Variants in STT3B observed in about 807,000 individuals in gnomAD.
STT3B encodes STT3 oligosaccharyltransferase complex catalytic subunit B.
A neutral mutation model predicts 96.8 loss-of-function variants in STT3B; 29 were observed. The observed-to-expected ratio is 0.30, with a 90% CI of 0.22 to 0.41. STT3B has a LOEUF of 0.41. STT3B is among the 10% of genes least tolerant of loss of function. The probability of loss-of-function intolerance (pLI) is 1.00; values close to 1 mark genes in which losing one functional copy is unlikely to be tolerated. For missense variants in STT3B, 640 were observed against 1,022.3 expected (o/e 0.63, Z 5.10); for synonymous variants, 367 against 360.0 (o/e 1.02, Z -0.22).
At chr3:31,628,640 T>C (rs866949743) in intron 13 of STT3B, among the ~76,000 whole-genome samples, 3 of 152,142 alleles carry the variant, frequency 2.0e-5, no homozygotes, top group Admixed American at 1.3e-4. Flanking sequence ...CCATAAAAAT[T>C]ACCACAGGAG....
intron 1 of STT3B, among the ~76,000 whole-genome samples, chr3:31,542,676 G>A (rs573735493): frequency 6.6e-6 from 1 of 152,270 alleles, no homozygotes; most frequent in South Asian, 2.1e-4. Context: ...TTGGATGATG[G>A]TCCAACTGAG....
At chr3:31,590,144 C>G (rs541107317) in intron 3 of STT3B, among the ~76,000 whole-genome samples, 1 of 151,822 alleles carries the variant, frequency 6.6e-6, no homozygotes, top group East Asian at 1.9e-4. Flanking sequence ...CATAATATTT[C>G]TTTATAAGTC....
Position 31,533,282 on chromosome 3 carries a change from T to G in STT3B, c.284T>G (p.Phe95Cys), listed in dbSNP as rs1312802453. The G allele has an allele frequency of 6.5e-7, 1 of 1,534,122 alleles. No individual in the cohort carries two copies. Residue 95 changes from phenylalanine to cysteine, a missense_variant, in exon 1 of 16, where the codon TTC becomes TGC. Phe to Cys is a radical substitution (Grantham distance 205). Around this residue, in one of 8 missense-constraint regions of STT3B, gnomAD observed 267 missense variants for 388.3 expected, o/e 0.69. Coordinates refer to ENST00000295770, the MANE Select transcript of STT3B (RefSeq NM_178862.3). ...FSSRLFAVIR[F>C]ESIIHEFDPW... ...TCGCGCCTCTTCGCCGTCATCCGCTTCGAAAGCATCATCCACGAGTTCGAC... is the reference window on the plus strand; with the variant it reads ...TCGCGCCTCTTCGCCGTCATCCGCTGCGAAAGCATCATCCACGAGTTCGAC...
At position 31,596,414 on chromosome 3, in the gene STT3B, C is replaced by T. The variant is rs555587453; in HGVS notation, c.712-384C>T. On this transcript the variant is annotated intron_variant, in intron 3 of 15. Transcript: ENST00000295770. ...ATTGAACTGGTTTGGCACTGCTGAACAAGCAAAAGACCTCTCTGGAGTGTA... is the reference window on the plus strand; with the variant it reads ...ATTGAACTGGTTTGGCACTGCTGAATAAGCAAAAGACCTCTCTGGAGTGTA... 1.2e-4 allele frequency among the ~76,000 whole-genome samples: 19 copies of T among 152,132 alleles called. No homozygotes were observed. In the East Asian group the frequency reaches 3.3e-3, roughly 26 times the overall value.
chr3:31,609,220 A>G (rs965399923), intron 5 of STT3B, among the ~76,000 whole-genome samples: 5 of 152,102 alleles, frequency 3.3e-5, no homozygotes, highest in South Asian at 4.1e-4. Flanking sequence ...ATCTTTTTTT[A>G]TTTTTTGTTT....
intron 13 of STT3B, among the ~76,000 whole-genome samples, 189 bp downstream of exon 13, chr3:31,626,316 G>C (rs192708303): frequency 6.6e-6 from 1 of 152,110 alleles, no homozygotes; most frequent in Non-Finnish European, 1.5e-5. Flanking sequence ...AGTCAAAATG[G>C]AACTAATATA....
chr3:31,550,713 T>C (rs1187071429), intron 1 of STT3B, among the ~76,000 whole-genome samples: 1 of 152,220 alleles, frequency 6.6e-6, no homozygotes, highest in African/African-American at 2.4e-5. Flanking sequence ...ATTGGCTATG[T>C]TTAATGTGAT....
intron 1 of STT3B, among the ~76,000 whole-genome samples, chr3:31,539,789 A>G (rs954330364): frequency 3.3e-5 from 5 of 152,140 alleles, no homozygotes; most frequent in African/African-American, 1.2e-4. Flanking sequence ...AAGATGATCA[A>G]ATCCAACTGA....
chr3:31,632,081 C>G (rs1260637790), intron 14 of STT3B, among the ~76,000 whole-genome samples: 1 of 151,188 alleles, frequency 6.6e-6, no homozygotes, highest in Admixed American at 6.6e-5. Context: ...GTCTTGAACT[C>G]CTGGGCTCAG....
intron 5 of STT3B, 25 bp from the exon 6 acceptor site, chr3:31,615,080 C>A: frequency 6.9e-7 from 1 of 1,444,500 alleles, no homozygotes; most frequent in Non-Finnish European, 9.6e-7. Context: ...GTAAATTATC[C>A]TTGTTTCCTA....
At chr3:31,572,216 T>TTA (rs1364576805) in intron 1 of STT3B, among the ~76,000 whole-genome samples, 117 of 144,344 alleles carry the variant, frequency 8.1e-4, no homozygotes, top group East Asian at 3.5e-3. Context: ...ATATATTATA[T>TTA]TATATATATA....
chr3:31,562,538 G>C (rs1697905845), intron 1 of STT3B, among the ~76,000 whole-genome samples: 1 of 152,178 alleles, frequency 6.6e-6, no homozygotes, highest in African/African-American at 2.4e-5. Context: ...GTGATCCCCA[G>C]TTTGTGGGTG....
At chr3:31,534,736 T>C (rs1379655844) in intron 1 of STT3B, among the ~76,000 whole-genome samples, 2 of 152,220 alleles carry the variant, frequency 1.3e-5, no homozygotes, top group African/African-American at 4.8e-5. Flanking sequence ...TTTAGATCAG[T>C]TAATTACTGT....
chr3:31,604,576 A>G (rs776678264), intron 5 of STT3B, among the ~76,000 whole-genome samples: 2 of 152,212 alleles, frequency 1.3e-5, no homozygotes, highest in Non-Finnish European at 2.9e-5. Context: ...AAAAATAAAT[A>G]CTGTTTTGTG....
At chr3:31,596,152 G>A (rs149635951) in intron 3 of STT3B, among the ~76,000 whole-genome samples, 292 of 152,172 alleles carry the variant, frequency 1.9e-3, no homozygotes, top group African/African-American at 6.6e-3. Context: ...ATTGAGTCTG[G>A]GGAAGTTCCA....
chr3:31,629,522 G>A (rs766772143), intron 14 of STT3B, 111 bp downstream of exon 14: 2 of 554,540 alleles, frequency 3.6e-6, no homozygotes, highest in Non-Finnish European at 6.3e-6. Context: ...GAAGAGAAAT[G>A]TGCTTATCTA....
intron 1 of STT3B, among the ~76,000 whole-genome samples, chr3:31,535,487 G>C (rs1472316557): frequency 6.6e-6 from 1 of 152,110 alleles, no homozygotes; most frequent in Non-Finnish European, 1.5e-5. Flanking sequence ...ACTTCGGAAA[G>C]CCGAGGCAGG....
intron 5 of STT3B, among the ~76,000 whole-genome samples, chr3:31,602,885 T>A (rs4404482): frequency 0.92 from 139,988 of 152,102 alleles, 64,595 homozygotes; most frequent in East Asian, 0.96. Context: ...GTCTGCTTTC[T>A]TAGGGTTTAC....
chr3:31,561,578 A>C (rs1189337614), intron 1 of STT3B, among the ~76,000 whole-genome samples: 2 of 151,872 alleles, frequency 1.3e-5, no homozygotes, highest in Non-Finnish European at 2.9e-5. Context: ...CAAACCCCCA[A>C]CTACTCTTCC....
Sources: gnomAD v4.1 joint callset for allele counts (sites outside exome capture counted in the v4.1 genomes callset) on GRCh38, gnomAD v4.1.1 for gene constraint, gnomAD v4.1.1 regional missense constraint, MANE v1.5 for transcripts, NCBI Gene and HGNC (gene_info 2026-07-23, HGNC 2026-07-21) for gene names.